Variants in UVRAG observed in about 807,000 individuals in gnomAD.
UVRAG encodes the protein UV radiation resistance-associated gene protein.
UVRAG carries 19 observed loss-of-function variants against 78.0 expected under a neutral mutation model. The observed-to-expected ratio is 0.24, with a 90% confidence interval of 0.17 to 0.36. The LOEUF (loss-of-function observed/expected upper bound fraction) is 0.36, where lower values mean the gene tolerates loss of function less well. Ranked by LOEUF, UVRAG falls within the 10% of genes least tolerant of loss-of-function variation. The pLI, the probability that UVRAG is intolerant of heterozygous loss-of-function variation, is 1.00. For synonymous variants in UVRAG, 323 were observed against 324.6 expected (o/e 1.00, Z 0.05); for missense variants, 740 against 853.8 (o/e 0.87, Z 1.66).
At chr11:76,080,224 A>G (rs542922870) in intron 13 of UVRAG, among the ~76,000 whole-genome samples, 8 of 152,342 alleles carry the variant, frequency 5.3e-5, no homozygotes, top group Admixed American at 5.2e-4. Context: ...AAACATAGCA[A>G]GCATTCACTG....
At chr11:76,113,509 G>A (rs1470595359) in intron 13 of UVRAG, among the ~76,000 whole-genome samples, 2 of 151,610 alleles carry the variant, frequency 1.3e-5, no homozygotes, top group Non-Finnish European at 2.9e-5. Context: ...CTCAGAGTTT[G>A]GGGTAGATAG....
At chr11:75,978,156 G>A (rs542268249) in intron 7 of UVRAG, among the ~76,000 whole-genome samples, 3 of 152,196 alleles carry the variant, frequency 2.0e-5, no homozygotes, top group Admixed American at 6.5e-5. Context: ...ATGAAATTCC[G>A]GGTCGAAAAT....
At chr11:75,938,711 C>T (rs1251207547) in intron 6 of UVRAG, among the ~76,000 whole-genome samples, 2 of 152,176 alleles carry the variant, frequency 1.3e-5, no homozygotes, top group Non-Finnish European at 2.9e-5. Flanking sequence ...TTTCCTCTGT[C>T]TAATCCTTTT....
intron 6 of UVRAG, among the ~76,000 whole-genome samples, chr11:75,925,565 A>C (rs1448863879): frequency 6.6e-6 from 1 of 152,240 alleles, no homozygotes; most frequent in African/African-American, 2.4e-5. Context: ...AGTAGGACAG[A>C]TAACAGATAC....
chr11:76,120,111 G>C (rs750427626), intron 14 of UVRAG, among the ~76,000 whole-genome samples: 27 of 152,176 alleles, frequency 1.8e-4, no homozygotes, highest in Non-Finnish European at 3.5e-4. Context: ...AGAGGGAATA[G>C]TTTAAGAAAA....
chr11:76,088,086 G>C (rs1448952099), intron 13 of UVRAG, among the ~76,000 whole-genome samples: 2 of 152,086 alleles, frequency 1.3e-5, no homozygotes, highest in Non-Finnish European at 2.9e-5. Context: ...ATGGTTTTTT[G>C]AGTCAGAGTT....
Position 75,881,299 on chromosome 11 carries a change from C to T in UVRAG, c.432+1259C>T, listed in dbSNP as rs557951863. On this transcript the variant is annotated intron_variant, in intron 4 of 14. Transcript: ENST00000356136. ...CTTGGTTTTATACATTTTAAGGAAA[C>T]ATGAGACATCAATCAATACATGTAA... 1.6e-4 allele frequency among the ~76,000 whole-genome samples: 25 copies of T among 152,188 alleles called. No individual in the cohort carries two copies. The South Asian group carries it at 4.8e-3, about 29-fold the overall frequency.
chr11:75,845,952 T>G (rs570674592), intron 1 of UVRAG, among the ~76,000 whole-genome samples: 1 of 152,330 alleles, frequency 6.6e-6, no homozygotes, highest in South Asian at 2.1e-4. Flanking sequence ...AAAGAGTGAT[T>G]CCAAAGTTTG....
In UVRAG at chr11:75,875,617, C is replaced by CT. The variant is rs538320213; in HGVS notation, c.271-4248dup. Among the ~76,000 whole-genome samples the CT allele has an allele frequency of 4.7e-3, 645 of 135,868 alleles. 9 individuals carry two copies. The highest frequency in any genetic ancestry group is 0.037 in the East Asian group (171 of 4,674). The allele number at this position is 135,868 out of a possible 152,430, so 89.1% of individuals were successfully genotyped here. On this transcript the variant is annotated intron_variant, in intron 3 of 14. Coordinates refer to ENST00000356136, the MANE Select transcript of UVRAG (RefSeq NM_003369.4). ...TACTCTGTCATCCATGTTTTTAAAC[C>CT]TTTTTTTTTTTTTTCATATTGGTCT... is the stretch of plus-strand genomic sequence containing the variant.
intron 13 of UVRAG, among the ~76,000 whole-genome samples, chr11:76,103,679 A>G (rs1951921880): frequency 6.6e-6 from 1 of 151,922 alleles, no homozygotes; most frequent in African/African-American, 2.4e-5. Context: ...TGAAGTAGCT[A>G]TTATAGTAAA....
At chr11:75,815,929 C>T (rs1945255545) in intron 1 of UVRAG, among the ~76,000 whole-genome samples, 1 of 152,234 alleles carries the variant, frequency 6.6e-6, no homozygotes, top group African/African-American at 2.4e-5. Context: ...CTTTTCCTTT[C>T]TTTCCCCACC....
intron 7 of UVRAG, among the ~76,000 whole-genome samples, chr11:75,968,277 GTGT>G (rs1180496319): frequency 6.6e-6 from 1 of 152,134 alleles, no homozygotes; most frequent in Non-Finnish European, 1.5e-5. Context: ...TTCACATATA[GTGT>G]TGTATAAAAA....
chr11:76,033,553 G>GA (rs910175174), intron 12 of UVRAG, among the ~76,000 whole-genome samples: 8 of 150,168 alleles, frequency 5.3e-5, no homozygotes, highest in Admixed American at 2.0e-4. Context: ...TTTGATTTAA[G>GA]AAAAAAAAAC....
At chr11:75,910,919 G>A (rs1027870366) in intron 5 of UVRAG, among the ~76,000 whole-genome samples, 2 of 152,070 alleles carry the variant, frequency 1.3e-5, no homozygotes, top group African/African-American at 4.8e-5. Flanking sequence ...ATGATGGCTA[G>A]GCATAGTTGA....
At chr11:75,857,113 C>T (rs777876350) in intron 2 of UVRAG, among the ~76,000 whole-genome samples, 1 of 152,242 alleles carries the variant, frequency 6.6e-6, no homozygotes, top group Non-Finnish European at 1.5e-5. Flanking sequence ...TTGAAGTAGA[C>T]GTTTAACAGG....
intron 3 of UVRAG, among the ~76,000 whole-genome samples, chr11:75,872,872 A>T (rs1273017668): frequency 6.6e-6 from 1 of 152,264 alleles, no homozygotes; most frequent in Admixed American, 6.5e-5. Context: ...AAGAATATAT[A>T]GTCAAATTAG....
Position 76,143,543 on chromosome 11 carries a change from G to T in UVRAG, c.*2130G>T, listed in dbSNP as rs963740742. On this transcript the variant is annotated 3_prime_UTR_variant, in exon 15 of 15. Transcript: ENST00000356136. ...CGGGCTGCTCAGAGCTGATTGCTAG[G>T]TGCCTACACATTTGCCTCGACCCAC... Among the ~76,000 whole-genome samples, 1 of 152,084 alleles carries T rather than the reference G, an allele frequency of 6.6e-6. No homozygotes were observed. Among genetic ancestry groups the T allele is most frequent in the African/African-American group, 2.4e-5 (1 of 41,376 alleles).
chr11:76,092,572 AT>A (rs1448055986), intron 13 of UVRAG, among the ~76,000 whole-genome samples: 1 of 152,120 alleles, frequency 6.6e-6, no homozygotes, highest in Non-Finnish European at 1.5e-5. Flanking sequence ...TTTGATTTGC[AT>A]TTCTCTGATG....
intron 12 of UVRAG, among the ~76,000 whole-genome samples, chr11:76,064,716 C>A (rs1254976457): frequency 6.6e-6 from 1 of 152,030 alleles, no homozygotes; most frequent in African/African-American, 2.4e-5. Flanking sequence ...TTTATTTTCT[C>A]TAGAAAATAA....
Sources: gnomAD v4.1 joint callset for allele counts (sites outside exome capture counted in the v4.1 genomes callset) on GRCh38, gnomAD v4.1.1 for gene constraint, MANE v1.5 for transcripts, NCBI Gene and HGNC (gene_info 2026-07-23, HGNC 2026-07-21) for gene names.